The following S100A9 variants were observed in gnomAD, a reference collection of about 807,000 sequenced individuals.
S100A9 encodes the protein protein S100-A9.
S100A9 carries 2 observed loss-of-function variants against 4.3 expected under a neutral mutation model. The ratio of observed to expected loss-of-function variants is 0.47; its 90% CI spans 0.19 to 1.48. The LOEUF (loss-of-function observed/expected upper bound fraction) is 1.48. S100A9 is among the 40% of genes most tolerant of loss of function. The pLI, the probability that S100A9 is intolerant of heterozygous loss-of-function variation, is 0.24. For synonymous variants in S100A9, 67 were observed against 54.0 expected, an observed-to-expected ratio of 1.24 and a Z score of -1.06; for missense variants, 130 against 144.4, an observed-to-expected ratio of 0.90 and a Z score of 0.51.
intron 2 of S100A9, among the ~76,000 whole-genome samples, chr1:153,359,832 G>A (rs1431912253): frequency 6.6e-6 from 1 of 151,940 alleles, no homozygotes; most frequent in East Asian, 1.9e-4. Context: ...GGGATTACAG[G>A]CATGCACCAC....
chr1:153,360,610 C>T (rs769951778), intron 2 of S100A9, 34 bp from the exon 3 acceptor site: 1 of 1,504,718 alleles, frequency 6.6e-7, no homozygotes, highest in African/African-American at 1.4e-5. Context: ...TCTGGCCACA[C>T]CCAGCTCTCA....
intron 2 of S100A9, 38 bp from the exon 3 acceptor site, chr1:153,360,606 C>A: frequency 4.1e-6 from 6 of 1,461,296 alleles, no homozygotes; most frequent in Non-Finnish European, 5.7e-6. Context: ...CACCTCTGGC[C>A]ACACCCAGCT....
chr1:153,360,793 C>A lies in S100A9; in HGVS notation c.300C>A (p.Gly100=). ...SHEKMHEGDE[G]PGHHHKPGLG... ...AGAAGATGCACGAGGGTGACGAGGG[C>A]CCTGGCCACCACCATAAGCCAGGCC... The change falls in exon 3 of 3, where the codon GGC becomes GGA. Residue 100 remains glycine, a synonymous_variant. Transcript: ENST00000368738. 6.2e-7 allele frequency: 1 copy of A among 1,613,670 alleles called. No individual in the cohort carries two copies.
In S100A9 at chr1:153,360,734, A is replaced by C. The variant is rs1359491021; in HGVS notation, c.241A>C (p.Met81Leu). The C allele has an allele frequency of 6.2e-7, 1 of 1,614,152 alleles. No homozygotes were observed. Among genetic ancestry groups the C allele is most frequent in the African/African-American group, 1.3e-5 (1 of 75,062 alleles). ...DKQLSFEEFIMLMARLTWASH... is the reference protein window; with the variant it reads ...DKQLSFEEFILLMARLTWASH... ...GCAGCTGAGCTTCGAGGAGTTCATC[A>C]TGCTGATGGCGAGGCTAACCTGGGC... The change falls in exon 3 of 3, where the codon ATG becomes CTG. Residue 81 changes from methionine to leucine, a missense_variant. Transcript: ENST00000368738.
intron 2 of S100A9, among the ~76,000 whole-genome samples, chr1:153,359,555 A>AC (rs1204406084): frequency 6.6e-6 from 1 of 151,700 alleles, no homozygotes; most frequent in Non-Finnish European, 1.5e-5. Context: ...TTGGCTGGGT[A>AC]CCCCACAGGT....
chr1:153,359,877 C>A (rs1571154111), intron 2 of S100A9, among the ~76,000 whole-genome samples: 1 of 151,782 alleles, frequency 6.6e-6, no homozygotes, highest in African/African-American at 2.4e-5. Context: ...TTTGTAGAGA[C>A]AAGGTTTCTC....
In S100A9 at chr1:153,360,688, C is replaced by T. The variant is rs1251358247; in HGVS notation, c.195C>T (p.Asp65=). Residue 65 remains aspartate (D), a synonymous_variant, in exon 3 of 3, where the codon GAC becomes GAT. Transcript: ENST00000368738. The part of the protein sequence containing the change: ...NEKVIEHIME[D]LDTNADKQLS... The stretch of plus-strand genomic sequence containing the variant: ...AGGTCATAGAACACATCATGGAGGA[C>T]CTGGACACAAATGCAGACAAGCAGC... The T allele has an allele frequency of 6.2e-7, 1 of 1,614,022 alleles. No homozygotes were observed. The highest frequency in any genetic ancestry group is 1.1e-5 in the South Asian group (1 of 91,082).
chr1:153,359,415 C>A (rs534257575), intron 2 of S100A9, among the ~76,000 whole-genome samples: 1 of 152,274 alleles, frequency 6.6e-6, no homozygotes, highest in South Asian at 2.1e-4. Flanking sequence ...GGCCGCATGG[C>A]AAAACTATCC....
rs1661431708 is a variant in S100A9 at position 153,360,668 on chromosome 1, A to G, written c.175A>G (p.Ile59Val). The change falls in exon 3 of 3, where the codon ATA becomes GTA. Residue 59 changes from isoleucine (I) to valine (V), a missense_variant. Ile to Val is a conservative substitution (Grantham distance 29, BLOSUM62 3). Transcript: ENST00000368738. ...LKKENKNEKV[I>V]EHIMEDLDTN... Reference sequence around the variant, plus strand: ...GAAGGAGAATAAGAATGAAAAGGTCATAGAACACATCATGGAGGACCTGGA... The same window carrying G: ...GAAGGAGAATAAGAATGAAAAGGTCGTAGAACACATCATGGAGGACCTGGA... 3 of 1,613,586 alleles carry G rather than the reference A, an allele frequency of 1.9e-6. No homozygotes were observed. The highest frequency in any genetic ancestry group is 3.3e-5 in the Admixed American group (2 of 59,986).
At chr1:153,359,969 A>T (rs936559302) in intron 2 of S100A9, among the ~76,000 whole-genome samples, 8 of 152,044 alleles carry the variant, frequency 5.3e-5, no homozygotes, top group Admixed American at 5.2e-4. Flanking sequence ...GATTACAAGC[A>T]TGAGCCACCC....
At position 153,360,711 on chromosome 1, in the gene S100A9, A is replaced by G; in HGVS notation, c.218A>G (p.Gln73Arg). The change falls in exon 3 of 3, where the codon CAG (glutamine) becomes CGG (arginine). Residue 73 changes from glutamine (Q) to arginine (R), a missense_variant. Coordinates refer to ENST00000368738, the MANE Select transcript of S100A9 (RefSeq NM_002965.4). ...GACCTGGACACAAATGCAGACAAGC[A>G]GCTGAGCTTCGAGGAGTTCATCATG... ...MEDLDTNADKQLSFEEFIMLM... is the reference protein window; with the variant it reads ...MEDLDTNADKRLSFEEFIMLM... 1 of 1,614,098 alleles carries G rather than the reference A, an allele frequency of 6.2e-7. No homozygotes were observed. Among genetic ancestry groups the G allele is most frequent in the Non-Finnish European group, 8.5e-7 (1 of 1,179,922 alleles).
intron 2 of S100A9, among the ~76,000 whole-genome samples, chr1:153,359,780 C>G (rs1254327459): frequency 6.6e-6 from 1 of 150,870 alleles, no homozygotes; most frequent in Non-Finnish European, 1.5e-5. Flanking sequence ...CCTCCACCTC[C>G]TGGGTTCAAG....
intron 1 of S100A9, among the ~76,000 whole-genome samples, 162 bp downstream of exon 1, chr1:153,358,043 G>A (rs911198592): frequency 6.6e-6 from 1 of 152,178 alleles, no homozygotes; most frequent in African/African-American, 2.4e-5. Context: ...TGTTCCCCTG[G>A]GGCCTCCTGC....
chr1:153,358,376 C>T lies in S100A9; in HGVS notation c.93C>T (p.Thr31=), dbSNP rs762013354. Residue 31 remains threonine, a synonymous_variant, in exon 2 of 3, where the codon ACC becomes ACT. Coordinates refer to ENST00000368738, the MANE Select transcript of S100A9 (RefSeq NM_002965.4). The part of the protein sequence containing the change: ...QYSVKLGHPD[T]LNQGEFKELV... The stretch of plus-strand genomic sequence containing the variant: ...CTGTGAAGCTGGGGCACCCAGACAC[C>T]CTGAACCAGGGGGAATTCAAAGAGC... The T allele has an allele frequency of 6.2e-7, 1 of 1,613,290 alleles. No homozygotes were observed. Among genetic ancestry groups the T allele is most frequent in the Admixed American group, 1.7e-5 (1 of 59,928 alleles).
Position 153,360,093 on chromosome 1 carries a change from C to T in S100A9, c.151-551C>T, listed in dbSNP as rs55827988. ...CCACACCTAGTTTTTCTAGGTGTTT[C>T]CCCGTTGTATTGGTTGAAATAAGTT... On this transcript the variant is annotated intron_variant, in intron 2 of 2. Transcript: ENST00000368738. 6.7e-3 allele frequency among the ~76,000 whole-genome samples: 1,013 copies of T among 152,206 alleles called. 5 individuals are homozygous for T. The highest frequency in any genetic ancestry group is 8.9e-3 in the Non-Finnish European group (607 of 68,018).
At chr1:153,358,223 A>G in intron 1 of S100A9, 46 bp from the exon 2 acceptor site, 1 of 1,337,422 alleles carries the variant, frequency 7.5e-7, no homozygotes, top group Non-Finnish European at 1.0e-6. Flanking sequence ...GAAGCTTGAC[A>G]GCATTTTCTT....
intron 2 of S100A9, among the ~76,000 whole-genome samples, 162 bp from the exon 3 acceptor site, chr1:153,360,482 T>G (rs768077706): frequency 6.6e-6 from 1 of 152,160 alleles, no homozygotes; most frequent in East Asian, 1.9e-4. Flanking sequence ...GTGCTCAGTG[T>G]CTGCTCCATT....
Position 153,357,863 on chromosome 1 carries a change from G to A in S100A9, c.-34G>A. The A allele has an allele frequency of 6.4e-6, 1 of 155,708 alleles. No homozygotes were observed. The highest frequency in any genetic ancestry group is 1.4e-5 in the Non-Finnish European group (1 of 69,916). 9.6% of individuals were successfully genotyped at this position (155,708 alleles called of 1,614,324 possible). On this transcript the variant is annotated 5_prime_UTR_variant, in exon 1 of 3. The change creates a new upstream start codon in the 5' untranslated region. Transcript: ENST00000368738. Reference sequence around the variant, plus strand: ...CCTGCACAGCTCTGGCAAACACTCTGTGTGGCTCCTCGGCTTTGGTAAGTG... The same window carrying A: ...CCTGCACAGCTCTGGCAAACACTCTATGTGGCTCCTCGGCTTTGGTAAGTG...
In S100A9 at chr1:153,358,086, A is replaced by G. The variant is rs896909870; in HGVS notation, c.-15-183A>G. On this transcript the variant is annotated intron_variant, in intron 1 of 2. Coordinates refer to ENST00000368738, the MANE Select transcript of S100A9 (RefSeq NM_002965.4). ...TGCTTTGCTTTTTGGCACTCTGTAG[A>G]TATTCTAAAAAATCATTTTGTACAT... 4.6e-5 allele frequency among the ~76,000 whole-genome samples: 7 copies of G among 152,124 alleles called. No individual in the cohort carries two copies. In the East Asian group the frequency reaches 1.3e-3, roughly 29 times the overall value.
Sources: gnomAD v4.1 joint callset for allele counts (sites outside exome capture counted in the v4.1 genomes callset) on GRCh38, gnomAD v4.1.1 for gene constraint, MANE v1.5 for transcripts, NCBI Gene and HGNC (gene_info 2026-07-23, HGNC 2026-07-21) for gene names.